PCSK5: variants seen among roughly 807,000 people sequenced by gnomAD.
PCSK5 encodes the protein proprotein convertase subtilisin/kexin type 5.
In PCSK5, 129 loss-of-function variants were observed where a neutral mutation model predicts 233.2. That is an observed-to-expected ratio of 0.55 (90% confidence interval 0.48 to 0.64). The LOEUF (loss-of-function observed/expected upper bound fraction) is 0.64. Among genes scored for constraint, PCSK5 ranks in the 30% least tolerant of loss-of-function variants. The probability of loss-of-function intolerance (pLI) is 0.00; values close to 1 mark genes in which losing one functional copy is unlikely to be tolerated. For synonymous variants in PCSK5, 825 were observed against 879.2 expected, an observed-to-expected ratio of 0.94 and a Z score of 1.09; for missense variants, 2,076 against 2,430.1, an observed-to-expected ratio of 0.85 and a Z score of 3.06.
intron 5 of PCSK5, among the ~76,000 whole-genome samples, chr9:76,061,850 A>T (rs1830040074): frequency 2.0e-5 from 3 of 152,232 alleles, no homozygotes; most frequent in African/African-American, 2.4e-5. Flanking sequence ...TACACTGAAA[A>T]TATGTACATC....
At chr9:76,076,844 G>A (rs1830661608) in intron 7 of PCSK5, among the ~76,000 whole-genome samples, 1 of 152,076 alleles carries the variant, frequency 6.6e-6, no homozygotes, top group Non-Finnish European at 1.5e-5. Context: ...TTTCTTCTAA[G>A]GAGCTATAAA....
intron 30 of PCSK5, among the ~76,000 whole-genome samples, chr9:76,320,301 G>A (rs935663736): frequency 5.4e-4 from 82 of 151,520 alleles, no homozygotes; most frequent in African/African-American, 1.9e-3. Flanking sequence ...ATGGTGGCAC[G>A]CACCTCTAGT....
intron 28 of PCSK5, among the ~76,000 whole-genome samples, chr9:76,304,538 T>C (rs1263241763): frequency 6.6e-6 from 1 of 152,128 alleles, no homozygotes. Context: ...TGCGCCCCTA[T>C]GTTAAGCACT....
At chr9:76,158,619 T>C (rs2377526) in intron 11 of PCSK5, among the ~76,000 whole-genome samples, 37,912 of 151,952 alleles carry the variant, frequency 0.25, 4,905 homozygotes, top group Admixed American at 0.34. Context: ...ATCAGCTACG[T>C]CACTATCACC....
intron 34 of PCSK5, among the ~76,000 whole-genome samples, chr9:76,336,353 G>A (rs934193217): frequency 3.3e-5 from 5 of 152,158 alleles, no homozygotes; most frequent in African/African-American, 1.2e-4. Flanking sequence ...TTGCACCAGA[G>A]AAAACAAAGA....
At chr9:76,132,585 C>T (rs1012715619) in intron 9 of PCSK5, among the ~76,000 whole-genome samples, 7 of 152,010 alleles carry the variant, frequency 4.6e-5, no homozygotes, top group Admixed American at 1.3e-4. Context: ...CTCAATAGTA[C>T]TTTTCTTTCC....
intron 3 of PCSK5, among the ~76,000 whole-genome samples, chr9:76,003,724 T>TCA (rs1186199175): frequency 6.6e-6 from 1 of 152,240 alleles, no homozygotes; most frequent in Non-Finnish European, 1.5e-5. Flanking sequence ...TATTCAGTTG[T>TCA]CACAATGATT....
rs865819288 is a variant in PCSK5, at chr9:76,046,186, T to G, written c.632+19149T>G. Among the ~76,000 whole-genome samples the G allele has an allele frequency of 2.3e-4, 26 of 112,718 alleles. No homozygotes were observed. In the East Asian group the frequency reaches 5.9e-3, roughly 26 times the overall value. The allele number at this position is 112,718 out of a possible 152,430, so 73.9% of individuals were successfully genotyped here. A position where few individuals can be genotyped will look rare whatever the true frequency, so the allele number is the denominator to read the frequency against. On this transcript the variant is annotated intron_variant, in intron 5 of 37. Coordinates refer to ENST00000674117, the MANE Select transcript of PCSK5 (RefSeq NM_001372043.1). ...TTTTTTTTTTTTTTTTTTTTTTTTT[T>G]TTTTTTTTTGAGACGGAGTCTCGCC...
intron 1 of PCSK5, among the ~76,000 whole-genome samples, chr9:75,909,099 C>T (rs1288887175): frequency 2.0e-5 from 3 of 151,780 alleles, no homozygotes; most frequent in South Asian, 2.1e-4. Flanking sequence ...CCGAGGTGGG[C>T]GGATCACCTG....
chr9:76,088,170 C>A (rs754109963), intron 7 of PCSK5, among the ~76,000 whole-genome samples: 1 of 152,126 alleles, frequency 6.6e-6, no homozygotes, highest in African/African-American at 2.4e-5. Flanking sequence ...AAAGCAGGTG[C>A]GTAAAGATTG....
chr9:76,194,170 C>T (rs967526876), intron 20 of PCSK5: 4 of 152,244 alleles, frequency 2.6e-5, no homozygotes, highest in African/African-American at 9.7e-5. Context: ...TGATCCAGCT[C>T]CCCTGAAATT....
intron 1 of PCSK5, among the ~76,000 whole-genome samples, chr9:75,923,654 C>A (rs1205894330): frequency 1.3e-5 from 2 of 152,108 alleles, no homozygotes; most frequent in African/African-American, 2.4e-5. Flanking sequence ...TGTTAGGTTC[C>A]TATTGCTGCT....
intron 2 of PCSK5, among the ~76,000 whole-genome samples, chr9:75,964,503 G>GA (rs1825490889): frequency 6.6e-6 from 1 of 152,160 alleles, no homozygotes; most frequent in South Asian, 2.1e-4. Flanking sequence ...GGACACAGTT[G>GA]AAAAAAACAT....
chr9:76,016,267 A>G (rs1294055623), intron 3 of PCSK5, among the ~76,000 whole-genome samples: 2 of 152,200 alleles, frequency 1.3e-5, no homozygotes, highest in Non-Finnish European at 2.9e-5. Flanking sequence ...CACTGGATCC[A>G]CTTTCTGTAA....
chr9:75,930,374 G>C (rs984845283), intron 1 of PCSK5, among the ~76,000 whole-genome samples: 27 of 152,180 alleles, frequency 1.8e-4, no homozygotes, highest in Admixed American at 4.6e-4. Context: ...GCCAGAGAGA[G>C]GCTGGGCCAG....
In PCSK5 at chr9:76,328,124, C is replaced by T. The variant is rs531512702; in HGVS notation, c.4455C>T (p.Ser1485=). Residue 1485 remains serine (S), a synonymous_variant, in exon 33 of 38, where the codon TCC becomes TCT. Coordinates refer to ENST00000674117, the MANE Select transcript of PCSK5 (RefSeq NM_001372043.1). The stretch of plus-strand genomic sequence containing the variant: ...TGGCCAACGAGAAGTGCTCACCCTC[C>T]GAGTACTGGGATGAGGATGCTCCCG... ...SCMANEKCSP[S]EYWDEDAPGC... is the part of the protein sequence containing the mutation. The T allele has an allele frequency of 4.3e-4, 697 of 1,612,602 alleles. No individual in the cohort carries two copies. Among genetic ancestry groups the T allele is most frequent in the Middle Eastern group, 6.6e-4 (4 of 6,062 alleles).
In PCSK5 at chr9:76,258,743, T is replaced by G. The variant is rs74612121; in HGVS notation, c.3142+18059T>G. Among the ~76,000 whole-genome samples, 1,145 of 152,296 alleles carry G rather than the reference T, an allele frequency of 7.5e-3. 11 individuals are homozygous for G. Among genetic ancestry groups the G allele is most frequent in the African/African-American group, 0.025 (1,050 of 41,552 alleles). On this transcript the variant is annotated intron_variant, in intron 24 of 37. Coordinates refer to ENST00000674117, the MANE Select transcript of PCSK5 (RefSeq NM_001372043.1). ...CTTATGTGCTCGGCAAAGGAGCAAC[T>G]GGAAAGTTTTACAAATGGGAAGTTT...
chr9:76,211,207 A>G (rs561453556), intron 20 of PCSK5, among the ~76,000 whole-genome samples: 3 of 152,342 alleles, frequency 2.0e-5, no homozygotes, highest in African/African-American at 7.2e-5. Context: ...TACATAACTG[A>G]AAGTTTGCCA....
intron 30 of PCSK5, among the ~76,000 whole-genome samples, chr9:76,315,447 A>C (rs998901642): frequency 2.6e-5 from 4 of 152,190 alleles, no homozygotes; most frequent in Non-Finnish European, 5.9e-5. Context: ...ACATGGATTT[A>C]TCTGAGCTGA....
Sources: allele counts gnomAD v4.1 joint callset (sites outside exome capture counted in the v4.1 genomes callset), GRCh38; gene constraint gnomAD v4.1.1; transcripts MANE v1.5; gene names NCBI Gene and HGNC (gene_info 2026-07-23, HGNC 2026-07-21).